The following KIF4A variants were observed in gnomAD, a reference collection of about 807,000 sequenced individuals.
The protein encoded by KIF4A is chromosome-associated kinesin KIF4A.
KIF4A carries 7 observed loss-of-function variants against 105.9 expected under a neutral mutation model. The observed-to-expected ratio is 0.07, with a 90% CI of 0.04 to 0.12. The LOEUF (loss-of-function observed/expected upper bound fraction) is 0.12, where lower values mean the gene tolerates loss of function less well. KIF4A is among the 10% of genes least tolerant of loss of function. The pLI, the probability that KIF4A is intolerant of heterozygous loss-of-function variation, is 1.00. For missense variants in KIF4A, 558 were observed against 929.2 expected (o/e 0.60, Z 5.19); for synonymous variants, 281 against 331.3 (o/e 0.85, Z 1.65).
intron 18 of KIF4A, among the ~76,000 whole-genome samples, chrX:70,386,123 T>A (rs2086216855): frequency 9.0e-6 from 1 of 111,268 alleles, no homozygotes; most frequent in African/African-American, 3.3e-5. Flanking sequence ...AACCTCTTTT[T>A]TTTTTAGCTG....
chrX:70,399,659 A>G (rs1296813359), intron 22 of KIF4A, among the ~76,000 whole-genome samples: 1 of 108,138 alleles, frequency 9.2e-6, no homozygotes, highest in African/African-American at 3.4e-5. Context: ...AGAATATAAA[A>G]AAGTTTATGG....
At chrX:70,407,662 C>T (rs968411087) in intron 28 of KIF4A, among the ~76,000 whole-genome samples, 1 of 112,043 alleles carries the variant, frequency 8.9e-6, no homozygotes, top group African/African-American at 3.2e-5. Context: ...TGTTCCATAC[C>T]ATTTCATTGA....
At position 70,307,998 on chromosome X, in the gene KIF4A, A is replaced by G. The variant is rs149831386; in HGVS notation, c.778+5600A>G. Among the ~76,000 whole-genome samples the G allele has an allele frequency of 4.5e-3, 509 of 112,122 alleles. 4 individuals carry two copies. The highest frequency in any genetic ancestry group is 0.016 in the African/African-American group (482 of 30,857). ...CCTTCAACACTCAGGCACTTTTACA[A>G]CTCTGCCTTAGCCTTCACTGCTTAA... On this transcript the variant is annotated intron_variant, in intron 7 of 30. Coordinates refer to ENST00000374403, the MANE Select transcript of KIF4A (RefSeq NM_012310.5).
At chrX:70,378,366 T>C (rs765767449) in intron 18 of KIF4A, among the ~76,000 whole-genome samples, 32 of 110,497 alleles carry the variant, frequency 2.9e-4, no homozygotes, top group African/African-American at 1.1e-3. Context: ...GCCTTCTACT[T>C]TAAAACACTG....
At chrX:70,404,645 G>C in intron 24 of KIF4A, 70 bp from the exon 25 acceptor site, 1 of 719,266 alleles carries the variant, frequency 1.4e-6, no homozygotes, top group Non-Finnish European at 2.1e-6. Context: ...ATCACTGCTT[G>C]AACTAAGTCA....
At chrX:70,321,777 C>CA (rs1245630839) in intron 7 of KIF4A, among the ~76,000 whole-genome samples, 1 of 111,168 alleles carries the variant, frequency 9.0e-6, no homozygotes, top group African/African-American at 3.3e-5. Context: ...GTCACCCCTC[C>CA]ATCCTCCTCC....
chrX:70,367,852 A>G (rs1200614650), intron 15 of KIF4A, among the ~76,000 whole-genome samples: 1 of 112,046 alleles, frequency 8.9e-6, no homozygotes, highest in Non-Finnish European at 1.9e-5. Flanking sequence ...GTGTTTTCCA[A>G]CTTGGTTCCA....
Position 70,353,657 on chromosome X carries a change from T to C in KIF4A, c.1524T>C (p.Ser508=), listed in dbSNP as rs750684792. 10 of 1,211,392 alleles carry C rather than the reference T, an allele frequency of 8.3e-6. No homozygotes were observed. The East Asian group carries it at 3.0e-4, about 36-fold the overall frequency. ...CCAGTCCAGAGACGAGCAGGTCTTCTGACGCTTTTACCACTCAGCATGCTC... is the reference window on the plus strand; with the variant it reads ...CCAGTCCAGAGACGAGCAGGTCTTCCGACGCTTTTACCACTCAGCATGCTC... ...VETSPETSRS[S]DAFTTQHALR... Residue 508 remains serine (S), a synonymous_variant, in exon 15 of 31, where the codon TCT becomes TCC. Coordinates refer to ENST00000374403, the MANE Select transcript of KIF4A (RefSeq NM_012310.5).
At position 70,389,340 on chromosome X, in the gene KIF4A, G is replaced by GTGGATTA. The variant is rs2086229545; in HGVS notation, c.2232+2044_2232+2050dup. On this transcript the variant is annotated intron_variant, in intron 20 of 30. Coordinates refer to ENST00000374403, the MANE Select transcript of KIF4A (RefSeq NM_012310.5). ...CCAGCACTTTGGGAGGCCAAGGCGG[G>GTGGATTA]TGGATTACCTGAGGTCAGGAGTTCA... 3.6e-5 allele frequency among the ~76,000 whole-genome samples: 4 copies of GTGGATTA among 112,454 alleles called. 1 individual carries two copies. The highest frequency in any genetic ancestry group is 2.8e-4 in the Admixed American group (3 of 10,621).
intron 22 of KIF4A, among the ~76,000 whole-genome samples, chrX:70,396,756 A>G (rs999854459): frequency 7.1e-5 from 8 of 112,471 alleles, no homozygotes; most frequent in African/African-American, 2.3e-4. Context: ...TAAAGTGCAT[A>G]ACAGTACTTA....
At chrX:70,404,335 C>A (rs1297676708) in intron 24 of KIF4A, among the ~76,000 whole-genome samples, 1 of 111,013 alleles carries the variant, frequency 9.0e-6, no homozygotes, top group Non-Finnish European at 1.9e-5. Context: ...CCAAGGCAGG[C>A]AGATTGCTTG....
At chrX:70,395,609 A>G (rs2086256239) in intron 20 of KIF4A, 62 bp from the exon 21 acceptor site, 57 of 1,181,716 alleles carry the variant, frequency 4.8e-5, no homozygotes, top group Non-Finnish European at 6.4e-5. Flanking sequence ...CTGGAGCTGA[A>G]TCTAGCCCAT....
rs1464940414 is a variant in KIF4A at position 70,306,563 on chromosome X, A to G, written c.778+4165A>G. ...TTATTTTATTTTATTTTTTGAGACA[A>G]TCTCACTCTGTTGCCCAGGCTGGAG... On this transcript the variant is annotated intron_variant, in intron 7 of 30. Transcript: ENST00000374403. 7.2e-5 allele frequency among the ~76,000 whole-genome samples: 8 copies of G among 111,112 alleles called. No individual in the cohort carries two copies. The East Asian group carries it at 2.0e-3, about 27-fold the overall frequency.
chrX:70,406,634 C>T (rs779930502), intron 27 of KIF4A, among the ~76,000 whole-genome samples: 1 of 111,644 alleles, frequency 9.0e-6, no homozygotes, highest in Non-Finnish European at 1.9e-5. Context: ...TCCAAAGATA[C>T]TTATCTCATC....
chrX:70,406,820 T>A, intron 27 of KIF4A, 73 bp from the exon 28 acceptor site: 1 of 1,036,935 alleles, frequency 9.6e-7, no homozygotes, highest in South Asian at 2.0e-5. Flanking sequence ...CAACAGCTAC[T>A]GGGAAGATAT....
intron 22 of KIF4A, among the ~76,000 whole-genome samples, chrX:70,400,753 A>G (rs939812501): frequency 9.0e-6 from 1 of 111,432 alleles, no homozygotes; most frequent in African/African-American, 3.3e-5. Flanking sequence ...GTAATGTATA[A>G]TAGGTTTATG....
intron 13 of KIF4A, among the ~76,000 whole-genome samples, chrX:70,350,421 G>C (rs1008144352): frequency 6.3e-5 from 7 of 111,430 alleles, no homozygotes; most frequent in African/African-American, 2.3e-4. Context: ...AGGCAGGGAG[G>C]TTGCAGCGAG....
chrX:70,377,891 G>A (rs2086181359), intron 18 of KIF4A, among the ~76,000 whole-genome samples: 1 of 112,351 alleles, frequency 8.9e-6, no homozygotes. Context: ...CTGAGATCGT[G>A]CCACTGCACT....
intron 7 of KIF4A, among the ~76,000 whole-genome samples, chrX:70,323,625 G>T (rs2085899889): frequency 9.0e-6 from 1 of 110,851 alleles, no homozygotes; most frequent in Non-Finnish European, 1.9e-5. Flanking sequence ...CAAGTTGAAA[G>T]ATTTTACAAT....
Sources: gnomAD v4.1 joint callset for allele counts (sites outside exome capture counted in the v4.1 genomes callset) on GRCh38, gnomAD v4.1.1 for gene constraint, MANE v1.5 for transcripts, NCBI Gene and HGNC (gene_info 2026-07-23, HGNC 2026-07-21) for gene names.